Variants in COL2A1 observed in about 807,000 individuals in gnomAD.
COL2A1 encodes the protein collagen alpha-1(II) chain.
A neutral mutation model predicts 204.5 loss-of-function variants in COL2A1; 28 were observed. The ratio of observed to expected loss-of-function variants is 0.14; its 90% CI spans 0.10 to 0.19. The LOEUF (loss-of-function observed/expected upper bound fraction) is 0.19. Ranked by LOEUF, COL2A1 falls within the 10% of genes least tolerant of loss-of-function variation. The probability of loss-of-function intolerance (pLI) is 1.00; values close to 1 mark genes in which losing one functional copy is unlikely to be tolerated. For missense variants in COL2A1, 1,388 were observed against 2,027.5 expected (o/e 0.68, Z 6.06); for synonymous variants, 708 against 718.7 (o/e 0.99, Z 0.24).
Position 47,985,777 on chromosome 12 carries a change from G to T in COL2A1, c.1631C>A (p.Ala544Asp). The T allele has an allele frequency of 6.2e-7, 1 of 1,613,656 alleles. No homozygotes were observed. Among genetic ancestry groups the T allele is most frequent in the Non-Finnish European group, 8.5e-7 (1 of 1,179,856 alleles). The change falls in exon 25 of 54, where the codon GCC becomes GAC. Residue 544 changes from alanine to aspartate, a missense_variant. By Grantham distance (126) the Ala-to-Asp change is moderately radical. Transcript: ENST00000380518. ...GPSGLAGPKGANGDPGRPGEP... is the reference protein window; with the variant it reads ...GPSGLAGPKGDNGDPGRPGEP... ...TCCAGGACGGCCAGGGTCACCGTTG[G>T]CTCCCTTGGGGCCAGCAAGACCACT...
chr12:47,982,796 G>A, intron 33 of COL2A1, 52 bp downstream of exon 33: 2 of 1,505,676 alleles, frequency 1.3e-6, no homozygotes, highest in South Asian at 1.1e-5. Flanking sequence ...TCCCTGCTCA[G>A]TGGGACTCCC....
Position 47,976,988 on chromosome 12 carries a change from A to T in COL2A1, c.3328-69T>A. ...ACAGGAGCCCCCTCCTGTCCCACCC[A>T]AGCTGAGGAATCCCCGGAAACACAG... On this transcript the variant is annotated intron_variant, in intron 47 of 53. Transcript: ENST00000380518. The surrounding 1 kb of genome is among the most constrained non-coding windows in gnomAD (Gnocchi z 4.3). 1 of 1,534,696 alleles carries T rather than the reference A, an allele frequency of 6.5e-7. No homozygotes were observed. Among genetic ancestry groups the T allele is most frequent in the Non-Finnish European group, 8.9e-7 (1 of 1,125,830 alleles).
Position 47,985,841 on chromosome 12 carries a change from A to G in COL2A1, c.1582-15T>C. 1 of 1,601,786 alleles carries G rather than the reference A, an allele frequency of 6.2e-7. No homozygotes were observed. The highest frequency in any genetic ancestry group is 8.5e-7 in the Non-Finnish European group (1 of 1,173,610). On this transcript the variant is annotated splice_polypyrimidine_tract_variant and intron_variant, in intron 24 of 53. Coordinates refer to ENST00000380518, the MANE Select transcript of COL2A1 (RefSeq NM_001844.5). ...CCAGGGGCTCCCTACAAGGGTACAC[A>G]GGGAGTCAGTGGGATACCATGTGAC...
rs898585011 is a variant in COL2A1, at chr12:48,004,315, G to T, written c.7C>A (p.Arg3Ser). ...ACCAGCGTCTGGGGAGCCCCGAGGC[G>T]AATCATGGCTCACCGCGGGGCCTGG... MIRLGAPQTLVLL... is the reference protein window; with the variant it reads MISLGAPQTLVLL... Residue 3 changes from arginine (R) to serine (S), a missense_variant, in exon 1 of 54, where the codon CGC (arginine) becomes AGC (serine). Arg to Ser is a moderately radical substitution (Grantham distance 110, BLOSUM62 -1). Transcript: ENST00000380518. The T allele has an allele frequency of 3.2e-6, 5 of 1,546,350 alleles. No homozygotes were observed. The African/African-American group carries it at 6.9e-5, about 21-fold the overall frequency.
rs756360655 is a variant in COL2A1 at position 47,985,749 on chromosome 12, T to C, written c.1659A>G (p.Glu553=). The change falls in exon 25 of 54, where the codon GAA becomes GAG. Residue 553 remains glutamate (E), a synonymous_variant. Coordinates refer to ENST00000380518, the MANE Select transcript of COL2A1 (RefSeq NM_001844.5). ...GANGDPGRPG[E]PGLPGARGLT... ...TTACCCGGGCTCCAGGAAGGCCAGGTTCTCCAGGACGGCCAGGGTCACCGT... is the reference window on the plus strand; with the variant it reads ...TTACCCGGGCTCCAGGAAGGCCAGGCTCTCCAGGACGGCCAGGGTCACCGT... 1.2e-5 allele frequency: 19 copies of C among 1,613,836 alleles called. No homozygotes were observed. In the East Asian group the frequency reaches 4.0e-4, roughly 34 times the overall value.
At chr12:47,983,783 C>T (rs935919096) in intron 29 of COL2A1, 47 bp from the exon 30 acceptor site, 16 of 1,553,418 alleles carry the variant, frequency 1.0e-5, no homozygotes, top group Non-Finnish European at 1.4e-5. Context: ...TCCAGAGACC[C>T]TGAGAGCCAC....
intron 1 of COL2A1, among the ~76,000 whole-genome samples, chr12:48,003,554 G>A (rs938354078): frequency 6.6e-6 from 1 of 152,120 alleles, no homozygotes; most frequent in East Asian, 1.9e-4. Context: ...AGGCGCAGGC[G>A]GACGGAGGGA....
intron 45 of COL2A1, 35 bp downstream of exon 45, chr12:47,977,565 C>G (rs1368519504): frequency 6.2e-7 from 1 of 1,613,446 alleles, no homozygotes; most frequent in South Asian, 1.1e-5. Context: ...AATGTCCTCC[C>G]CAACCCACTG....
rs369011859 is a variant in COL2A1 at position 47,989,296 on chromosome 12, C to T, written c.1069-15G>A. On this transcript the variant is annotated splice_polypyrimidine_tract_variant and intron_variant, in intron 17 of 53. Transcript: ENST00000380518. Reference sequence around the variant, plus strand: ...CCGACAGGACCCTGGAGAGAGTAGGCGGATGAGAAGAGAGGTGAATGCCAG... The same window carrying T: ...CCGACAGGACCCTGGAGAGAGTAGGTGGATGAGAAGAGAGGTGAATGCCAG... 29 of 1,610,842 alleles carry T rather than the reference C, an allele frequency of 1.8e-5. No individual in the cohort carries two copies. The highest frequency in any genetic ancestry group is 3.3e-4 in the Middle Eastern group (2 of 6,060).
chr12:47,998,715 G>A (rs1940087216), intron 2 of COL2A1: 1 of 437,904 alleles, frequency 2.3e-6, no homozygotes, highest in Non-Finnish European at 4.1e-6. Context: ...AAAAGGCAAT[G>A]AAGAGCTCAA....
chr12:48,003,454 G>A (rs1940329678), intron 1 of COL2A1, among the ~76,000 whole-genome samples: 1 of 152,128 alleles, frequency 6.6e-6, no homozygotes, highest in African/African-American at 2.4e-5. Context: ...CTATTTTCGG[G>A]GGCATTTGAA....
chr12:47,983,552 G>T, intron 30 of COL2A1, 114 bp from the exon 31 acceptor site: 1 of 1,432,874 alleles, frequency 7.0e-7, no homozygotes, highest in Non-Finnish European at 9.7e-7. Context: ...TGACAGCCAG[G>T]GGTGCAGGGA....
intron 33 of COL2A1, 106 bp from the exon 34 acceptor site, chr12:47,982,715 C>G: frequency 8.0e-7 from 1 of 1,247,134 alleles, no homozygotes; most frequent in South Asian, 1.2e-5. Flanking sequence ...TCCTTCCCTT[C>G]CTCCCATGTA....
Position 47,976,553 on chromosome 12 carries a change from G to A in COL2A1, c.3450C>T (p.Asp1150=), listed in dbSNP as rs529717446. 2 of 1,614,236 alleles carry A rather than the reference G, an allele frequency of 1.2e-6. No individual in the cohort carries two copies. The highest frequency in any genetic ancestry group is 2.7e-5 in the African/African-American group (2 of 75,066). Reference sequence around the variant, plus strand: ...GACCAGCAGGACCAGAAGCACCTTGGTCTCCAGAAGGACCCTGTGTAGAAG... The same window carrying A: ...GACCAGCAGGACCAGAAGCACCTTGATCTCCAGAAGGACCCTGTGTAGAAG... ...GLPGPPGPSG[D]QGASGPAGPS... is the part of the protein sequence containing the mutation. The change falls in exon 49 of 54, where the codon GAC becomes GAT. Residue 1150 remains aspartate (D), a synonymous_variant. Transcript: ENST00000380518. This position sits in a 1 kb window ranked among gnomAD's most constrained non-coding sequence, Gnocchi z 4.3.
chr12:47,999,633 G>GTTTT (rs1940134029), intron 2 of COL2A1: 1 of 220,898 alleles, frequency 4.5e-6, no homozygotes, highest in African/African-American at 9.6e-5. Context: ...TTTCAGAGAG[G>GTTTT]ATTTTTTTTT....
chr12:47,995,625 G>T, intron 10 of COL2A1, 85 bp downstream of exon 10: 1 of 1,337,470 alleles, frequency 7.5e-7, no homozygotes, highest in Non-Finnish European at 1.1e-6. Flanking sequence ...GCTGGGCAGA[G>T]CCTGGGAGGG....
intron 18 of COL2A1, 136 bp downstream of exon 18, chr12:47,989,092 G>T: frequency 1.3e-6 from 1 of 743,796 alleles, no homozygotes; most frequent in East Asian, 2.7e-5. Flanking sequence ...GGATGGAGGG[G>T]CCAGTGGGTG....
intron 2 of COL2A1, chr12:47,998,795 C>A: frequency 4.0e-6 from 1 of 250,862 alleles, no homozygotes; most frequent in Non-Finnish European, 7.6e-6. Flanking sequence ...GGGAGCCGTT[C>A]CCGAACCCCA....
rs551668075 is a variant in COL2A1, at chr12:47,980,569, T to C, written c.2610A>G (p.Gly870=). 4.3e-6 allele frequency: 7 copies of C among 1,610,458 alleles called. No individual in the cohort carries two copies. In the East Asian group the frequency reaches 1.3e-4, roughly 31 times the overall value. The change falls in exon 39 of 54, where the codon GGA becomes GGG. Residue 870 remains glycine, a synonymous_variant. Coordinates refer to ENST00000380518, the MANE Select transcript of COL2A1 (RefSeq NM_001844.5). This position sits in a 1 kb window ranked among gnomAD's most constrained non-coding sequence, Gnocchi z 4.5. ...AGAPGPQGPS[G]APGPQGPTGV... is the part of the protein sequence containing the mutation. ...CGTTACCCACCTGAGGCCCAGGTGC[T>C]CCAGAGGGGCCCTGAGGACCAGGGG... is the stretch of plus-strand genomic sequence containing the variant.
Sources: allele counts gnomAD v4.1 joint callset (sites outside exome capture counted in the v4.1 genomes callset), GRCh38; gene constraint gnomAD v4.1.1; non-coding constraint Gnocchi (gnomAD v3.1); transcripts MANE v1.5; gene names NCBI Gene and HGNC (gene_info 2026-07-23, HGNC 2026-07-21).